Variants in IQSEC1 observed in about 807,000 individuals in gnomAD.
IQSEC1 encodes IQ motif and SEC7 domain-containing protein 1.
A neutral mutation model predicts 91.0 loss-of-function variants in IQSEC1; 31 were observed. The ratio of observed to expected loss-of-function variants is 0.34; its 90% CI spans 0.26 to 0.46. The LOEUF is 0.46. IQSEC1 is among the 20% of genes least tolerant of loss of function. The pLI, the probability that IQSEC1 is intolerant of heterozygous loss-of-function variation, is 1.00. For synonymous variants in IQSEC1, 699 were observed against 662.6 expected (o/e 1.05, Z -0.84); for missense variants, 1,388 against 1,575.6 (o/e 0.88, Z 2.02).
chr3:13,017,713 G>A (rs360843), intron 1 of IQSEC1, among the ~76,000 whole-genome samples: 53,294 of 152,002 alleles, frequency 0.35, 10,069 homozygotes, highest in Non-Finnish European at 0.44. Flanking sequence ...AGAGGGGGCG[G>A]CAGTCACTAG....
chr3:13,175,627 G>T (rs530339251), intron 1 of IQSEC1, among the ~76,000 whole-genome samples: 1 of 152,200 alleles, frequency 6.6e-6, no homozygotes, highest in Non-Finnish European at 1.5e-5. Flanking sequence ...AATCCATCTG[G>T]GTTGCTATAA....
intron 1 of IQSEC1, among the ~76,000 whole-genome samples, chr3:12,957,563 C>A (rs1265831005): frequency 6.6e-6 from 1 of 152,312 alleles, no homozygotes; most frequent in East Asian, 1.9e-4. Flanking sequence ...TAGGCTGGGC[C>A]CCAGGGACAC....
At chr3:13,087,765 G>A (rs557091559) in intron 2 of IQSEC1, among the ~76,000 whole-genome samples, 89 of 152,300 alleles carry the variant, frequency 5.8e-4, no homozygotes, top group African/African-American at 2.1e-3. Context: ...CTGGAGGCTG[G>A]GAAGTCTAAG....
Position 13,128,640 on chromosome 3 carries a change from C to T in IQSEC1, c.302+35464G>A, listed in dbSNP as rs532033013. Among the ~76,000 whole-genome samples, 146 of 151,976 alleles carry T rather than the reference C, an allele frequency of 9.6e-4. 1 individual carries two copies. Among genetic ancestry groups the T allele is most frequent in the Non-Finnish European group, 1.7e-3 (117 of 67,942 alleles). Reference sequence around the variant, plus strand: ...CAGCACTTTGGGAGGCCGAGGCGGGCGGATCACGAGGTCAGGAGATCGAGA... The same window carrying T: ...CAGCACTTTGGGAGGCCGAGGCGGGTGGATCACGAGGTCAGGAGATCGAGA... On this transcript the variant is annotated intron_variant, in intron 2 of 15. Transcript: ENST00000648114.
chr3:13,266,258 C>A (rs1210550665), intron 1 of IQSEC1, among the ~76,000 whole-genome samples: 2 of 152,260 alleles, frequency 1.3e-5, no homozygotes, highest in Non-Finnish European at 2.9e-5. Flanking sequence ...CACATTGTGG[C>A]AGGAGAGATG....
chr3:12,929,693 CTCTT>C (rs760973042), intron 3 of IQSEC1, among the ~76,000 whole-genome samples: 4 of 152,192 alleles, frequency 2.6e-5, no homozygotes, highest in Non-Finnish European at 4.4e-5. Context: ...ATACCCGTTA[CTCTT>C]TCTTTAGCTC....
chr3:12,987,531 T>C (rs1255308481), intron 1 of IQSEC1, among the ~76,000 whole-genome samples: 1 of 152,210 alleles, frequency 6.6e-6, no homozygotes, highest in East Asian at 1.9e-4. Flanking sequence ...ATCTTCATGA[T>C]TACAGGGTAG....
intron 1 of IQSEC1, among the ~76,000 whole-genome samples, chr3:12,985,975 A>G (rs1701713892): frequency 6.6e-6 from 1 of 152,222 alleles, no homozygotes; most frequent in African/African-American, 2.4e-5. Context: ...CTCTGTAAAA[A>G]TGAAAGCTAG....
intron 1 of IQSEC1, among the ~76,000 whole-genome samples, chr3:12,975,451 T>C (rs1576090682): frequency 6.6e-6 from 1 of 152,338 alleles, no homozygotes; most frequent in African/African-American, 2.4e-5. Context: ...TTTACAGAAG[T>C]GTCCACACTT....
intron 1 of IQSEC1, among the ~76,000 whole-genome samples, chr3:13,024,927 T>A (rs1392207194): frequency 6.6e-6 from 1 of 152,204 alleles, no homozygotes; most frequent in East Asian, 1.9e-4. Flanking sequence ...GAATAAAAAA[T>A]CTCTGCCCTC....
At chr3:13,222,951 C>T (rs1694689344) in intron 1 of IQSEC1, among the ~76,000 whole-genome samples, 1 of 152,212 alleles carries the variant, frequency 6.6e-6, no homozygotes, top group Admixed American at 6.5e-5. Context: ...CAGCTCCAGC[C>T]CCTCAGCACC....
chr3:12,904,398 A>G (rs1183466515), intron 12 of IQSEC1, among the ~76,000 whole-genome samples: 1 of 152,252 alleles, frequency 6.6e-6, no homozygotes, highest in Non-Finnish European at 1.5e-5. Context: ...GCTCAACACC[A>G]GTTGCTGAAG....
chr3:13,091,077 C>T (rs1323948463), intron 2 of IQSEC1, among the ~76,000 whole-genome samples: 4 of 152,190 alleles, frequency 2.6e-5, no homozygotes, highest in African/African-American at 4.8e-5. Context: ...TCGGTTTCTA[C>T]GGCCTTCTCC....
At position 13,208,933 on chromosome 3, in the gene IQSEC1, T is replaced by C. The variant is rs147327196; in HGVS notation, c.273-44800A>G. 2.9e-4 allele frequency among the ~76,000 whole-genome samples: 44 copies of C among 152,250 alleles called. 1 individual carries two copies. In the East Asian group the frequency reaches 8.3e-3, roughly 29 times the overall value. On this transcript the variant is annotated intron_variant, in intron 1 of 15. Transcript: ENST00000648114. ...GGGGTCAGCCCTGACCAGGGGCCAG[T>C]TCAAAGTCAGTGGGGTGGGCAAGAG...
intron 1 of IQSEC1, among the ~76,000 whole-genome samples, chr3:13,243,779 G>T (rs1695062688): frequency 6.6e-6 from 1 of 151,356 alleles, no homozygotes; most frequent in South Asian, 2.1e-4. Flanking sequence ...GTTCTCTGGG[G>T]GCTGCCTGTA....
intron 2 of IQSEC1, among the ~76,000 whole-genome samples, chr3:13,112,832 G>C (rs1706271705): frequency 6.6e-6 from 1 of 152,218 alleles, no homozygotes; most frequent in African/African-American, 2.4e-5. Flanking sequence ...GACTCTGGAG[G>C]CTCCCACGAG....
chr3:13,084,717 C>G (rs1352318518), intron 2 of IQSEC1, among the ~76,000 whole-genome samples: 1 of 152,172 alleles, frequency 6.6e-6, no homozygotes, highest in Non-Finnish European at 1.5e-5. Context: ...TCTGAACCGA[C>G]TCAGCTCACC....
intron 1 of IQSEC1, among the ~76,000 whole-genome samples, chr3:13,042,711 C>T (rs1171803424): frequency 6.6e-6 from 1 of 152,138 alleles, no homozygotes; most frequent in African/African-American, 2.4e-5. Context: ...GTCCATCATC[C>T]TGGGGGGTCT....
chr3:13,143,233 G>C (rs1039274850), intron 2 of IQSEC1, among the ~76,000 whole-genome samples: 1 of 152,194 alleles, frequency 6.6e-6, no homozygotes, highest in African/African-American at 2.4e-5. Context: ...CTTGTTGACT[G>C]AGTAACTGAT....
Sources: allele counts gnomAD v4.1 joint callset (sites outside exome capture counted in the v4.1 genomes callset), GRCh38; gene constraint gnomAD v4.1.1; transcripts MANE v1.5; gene names NCBI Gene and HGNC (gene_info 2026-07-23, HGNC 2026-07-21).